The following LRP10 variants were observed in gnomAD, a reference collection of about 807,000 sequenced individuals.
LRP10 encodes LDL receptor related protein 10.
Under a neutral mutation model 58.5 loss-of-function variants are expected in LRP10, and 42 were observed. The ratio of observed to expected loss-of-function variants is 0.72; its 90% CI spans 0.56 to 0.93. The LOEUF (loss-of-function observed/expected upper bound fraction) is 0.93, where lower values mean the gene tolerates loss of function less well. Among genes scored for constraint, LRP10 ranks in the 40% least tolerant of loss-of-function variants. The probability of loss-of-function intolerance (pLI) is 0.00; values close to 1 mark genes in which losing one functional copy is unlikely to be tolerated. For missense variants in LRP10, 872 were observed against 940.1 expected, an observed-to-expected ratio of 0.93 and a Z score of 0.95; for synonymous variants, 377 against 388.5, an observed-to-expected ratio of 0.97 and a Z score of 0.35.
chr14:22,876,331 C>T lies in LRP10; in HGVS notation c.1383C>T (p.Gly461=), dbSNP rs748809158. 1 of 1,614,062 alleles carries T rather than the reference C, an allele frequency of 6.2e-7. No homozygotes were observed. The highest frequency in any genetic ancestry group is 1.7e-5 in the Admixed American group (1 of 60,028). ...VCGLLLVIAL[G]CTCKLYAIRT... Reference sequence around the variant, plus strand: ...GCCTGCTCCTGGTCATCGCCCTGGGCTGCACCTGCAAGCTCTATGCCATTC... The same window carrying T: ...GCCTGCTCCTGGTCATCGCCCTGGGTTGCACCTGCAAGCTCTATGCCATTC... The change falls in exon 5 of 7, where the codon GGC becomes GGT. Residue 461 remains glycine, a synonymous_variant. Coordinates refer to ENST00000359591, the MANE Select transcript of LRP10 (RefSeq NM_014045.5).
rs760967418 is a variant in LRP10 at position 22,876,962 on chromosome 14, G to A, written c.1577G>A (p.Arg526His). The A allele has an allele frequency of 1.2e-5, 19 of 1,591,984 alleles. No homozygotes were observed. Among genetic ancestry groups the A allele is most frequent in the African/African-American group, 4.0e-5 (3 of 74,414 alleles). The change falls in exon 7 of 7, where the codon CGT becomes CAT. Residue 526 changes from arginine (R) to histidine (H), a missense_variant. Physicochemically the swap from Arg to His is conservative, Grantham distance 29. Coordinates refer to ENST00000359591, the MANE Select transcript of LRP10 (RefSeq NM_014045.5). ...PNDNSVLGNL[R>H]SLLQILRQDM... is the part of the protein sequence containing the mutation. The stretch of plus-strand genomic sequence containing the variant: ...CAGAACTCAGTGCTGGGCAACCTGC[G>A]TTCTCTGCTACAGATCTTACGCCAG...
At chr14:22,872,521 T>C (rs1362441051) in intron 1 of LRP10, among the ~76,000 whole-genome samples, 184 bp downstream of exon 1, 1 of 147,754 alleles carries the variant, frequency 6.8e-6, no homozygotes, top group African/African-American at 2.5e-5. Context: ...CCTGGTCCTC[T>C]CTCCGGCTTC....
At position 22,875,921 on chromosome 14, in the gene LRP10, G is replaced by A. The variant is rs758627607; in HGVS notation, c.973G>A (p.Glu325Lys). The A allele has an allele frequency of 1.2e-5, 19 of 1,613,426 alleles. No homozygotes were observed. The highest frequency in any genetic ancestry group is 3.3e-5 in the Admixed American group (2 of 60,008). Residue 325 changes from glutamate to lysine, a missense_variant, in exon 5 of 7, where the codon GAA (glutamate) becomes AAA (lysine). Glu to Lys is a moderately conservative substitution (Grantham distance 56). Transcript: ENST00000359591. ...CGLGSGLGAG[E>K]GLGERCYSEA... ...CTTAGGCTCTGGCCTGGGAGCTGGC[G>A]AAGGCCTAGGTGAGCGCTGCTACAG...
rs1467206290 is a variant in LRP10 at position 22,879,782 on chromosome 14, GC to G, written c.*2259del. The G allele has an allele frequency of 5.9e-5, 9 of 152,534 alleles. No homozygotes were observed. Among genetic ancestry groups the G allele is most frequent in the African/African-American group, 1.9e-4 (8 of 41,424 alleles). The allele number at this position is 152,534 out of a possible 1,614,324, so 9.4% of individuals were successfully genotyped here. ...TAATACTCTTGTCAGCCACAGTGAA[GC>G]CCCAAGCTAGCCGGGATAGGGGACT... is the stretch of plus-strand genomic sequence containing the variant. On this transcript the variant is annotated 3_prime_UTR_variant, in exon 7 of 7. Coordinates refer to ENST00000359591, the MANE Select transcript of LRP10 (RefSeq NM_014045.5).
chr14:22,872,835 C>A lies in LRP10; in HGVS notation c.79+53C>A. ...GTGGGCTTGGGAATGAGGGAGCAGT[C>A]GAGAAGGACTCTCTGTTCCCTGAAT... On this transcript the variant is annotated intron_variant, in intron 2 of 6. Coordinates refer to ENST00000359591, the MANE Select transcript of LRP10 (RefSeq NM_014045.5). 5 of 1,557,818 alleles carry A rather than the reference C, an allele frequency of 3.2e-6. No homozygotes were observed. In the Admixed American group the frequency reaches 6.7e-5, roughly 21 times the overall value.
rs200366546 is a variant in LRP10 at position 22,875,591 on chromosome 14, T to C, written c.643T>C (p.Ser215Pro). ...TGGATATACACACCTAGCCTCAGTC[T>C]CCCACCCCCAGTCCTGCCATTGGCT... ...SPGYTHLASV[S>P]HPQSCHWLLD... The change falls in exon 5 of 7, where the codon TCC becomes CCC. Residue 215 changes from serine (S) to proline (P), a missense_variant. Coordinates refer to ENST00000359591, the MANE Select transcript of LRP10 (RefSeq NM_014045.5). 3.0e-4 allele frequency: 492 copies of C among 1,614,074 alleles called. 4 individuals carry two copies. The East Asian group carries it at 9.6e-3, about 32-fold the overall frequency.
chr14:22,875,266 T>C (rs1348609965), intron 4 of LRP10, 21 bp downstream of exon 4: 10 of 1,583,050 alleles, frequency 6.3e-6, no homozygotes, highest in Non-Finnish European at 8.6e-6. Context: ...CAGGGATGTC[T>C]GAGGAGCAGG....
chr14:22,876,697 C>CCCCCCT lies in LRP10; in HGVS notation c.1435_1440dup (p.Pro479_Leu480dup). ...GTCCTCATTCCTTCTAGCATCTTTG[C>CCCCCCT]CCCCCTCTCCCGGATGGAGGCTGAG... is the stretch of plus-strand genomic sequence containing the variant. On this transcript the variant is annotated inframe_insertion, in exon 6 of 7. Coordinates refer to ENST00000359591, the MANE Select transcript of LRP10 (RefSeq NM_014045.5). 1 of 1,613,362 alleles carries CCCCCCT rather than the reference C, an allele frequency of 6.2e-7. No individual in the cohort carries two copies. The highest frequency in any genetic ancestry group is 8.5e-7 in the Non-Finnish European group (1 of 1,179,634).
At position 22,876,133 on chromosome 14, in the gene LRP10, C is replaced by A. The variant is rs1213511079; in HGVS notation, c.1185C>A (p.Arg395=). ...GTGCTGATGGAGCAGATGAGAGACGCTGTCGGCATTGCCAGCCTGGCAATT... is the reference window on the plus strand; with the variant it reads ...GTGCTGATGGAGCAGATGAGAGACGATGTCGGCATTGCCAGCCTGGCAATT... ...TFCADGADER[R]CRHCQPGNFR... Residue 395 remains arginine, a synonymous_variant, in exon 5 of 7, where the codon CGC becomes CGA. Coordinates refer to ENST00000359591, the MANE Select transcript of LRP10 (RefSeq NM_014045.5). 6.2e-7 allele frequency: 1 copy of A among 1,614,224 alleles called. No individual in the cohort carries two copies. The highest frequency in any genetic ancestry group is 1.1e-5 in the South Asian group (1 of 91,092).
In LRP10 at chr14:22,880,038, T is replaced by C. The variant is rs2138792347; in HGVS notation, c.*2511T>C. 1 of 152,258 alleles carries C rather than the reference T, an allele frequency of 6.6e-6. No homozygotes were observed. The highest frequency in any genetic ancestry group is 2.1e-4 in the South Asian group (1 of 4,812). The allele number at this position is 152,258 out of a possible 1,614,324, so 9.4% of individuals were successfully genotyped here. ...GGTGGGAGGTGTTTTCAGCATGAGATAGGGTTCAGGCTGTGAATCAGAGTC... is the reference window on the plus strand; with the variant it reads ...GGTGGGAGGTGTTTTCAGCATGAGACAGGGTTCAGGCTGTGAATCAGAGTC... On this transcript the variant is annotated 3_prime_UTR_variant, in exon 7 of 7. Transcript: ENST00000359591.
chr14:22,877,576 T>C lies in LRP10; in HGVS notation c.*49T>C. ...GCCTCTCCCCTGGGGGCTCTACTCA[T>C]AGTGGCACAACCTTTTAGAGGTGGG... On this transcript the variant is annotated 3_prime_UTR_variant, in exon 7 of 7. Transcript: ENST00000359591. The surrounding 1 kb of genome is among the most constrained non-coding windows in gnomAD (Gnocchi z 5.1). 2 of 1,390,930 alleles carry C rather than the reference T, an allele frequency of 1.4e-6. No individual in the cohort carries two copies. The highest frequency in any genetic ancestry group is 2.5e-5 in the East Asian group (1 of 39,846). 86.2% of individuals were successfully genotyped at this position (1,390,930 alleles called of 1,614,324 possible). A position where few individuals can be genotyped will look rare whatever the true frequency, so the allele number is the denominator to read the frequency against.
At position 22,876,172 on chromosome 14, in the gene LRP10, C is replaced by T. The variant is rs369136828; in HGVS notation, c.1224C>T (p.Asp408=). The T allele has an allele frequency of 7.4e-6, 12 of 1,614,212 alleles. No individual in the cohort carries two copies. The highest frequency in any genetic ancestry group is 4.0e-5 in the African/African-American group (3 of 75,056). ...AGCCTGGCAATTTCCGATGCCGGGA[C>T]GAGAAGTGCGTGTATGAGACGTGGG... is the stretch of plus-strand genomic sequence containing the variant. ...HCQPGNFRCR[D]EKCVYETWVC... Residue 408 remains aspartate (D), a synonymous_variant, in exon 5 of 7, where the codon GAC becomes GAT. Transcript: ENST00000359591.
intron 1 of LRP10, 79 bp from the exon 2 acceptor site, chr14:22,872,659 C>T: frequency 1.4e-6 from 2 of 1,426,210 alleles, no homozygotes; most frequent in Non-Finnish European, 2.0e-6. Context: ...TCCCGGATGG[C>T]TCCCTTGAGT....
chr14:22,872,476 C>A, intron 1 of LRP10, 139 bp downstream of exon 1: 1 of 1,030,998 alleles, frequency 9.7e-7, no homozygotes, highest in Non-Finnish European at 1.5e-6. Flanking sequence ...CTGCCGGCCC[C>A]AACCCCCAGG....
intron 1 of LRP10, among the ~76,000 whole-genome samples, 195 bp downstream of exon 1, chr14:22,872,532 C>T (rs1440236210): frequency 6.6e-6 from 1 of 151,882 alleles, no homozygotes; most frequent in African/African-American, 2.4e-5. Flanking sequence ...CTCCGGCTTC[C>T]CCTAGATCAC....
intron 5 of LRP10, 78 bp downstream of exon 5, chr14:22,876,450 A>C (rs2040007528): frequency 2.0e-6 from 3 of 1,536,662 alleles, no homozygotes; most frequent in Non-Finnish European, 2.7e-6. Context: ...GGAGACCACG[A>C]AAGTGCCCAC....
chr14:22,875,835 G>T lies in LRP10; in HGVS notation c.887G>T (p.Arg296Leu). 1 of 1,614,036 alleles carries T rather than the reference G, an allele frequency of 6.2e-7. No homozygotes were observed. The highest frequency in any genetic ancestry group is 8.5e-7 in the Non-Finnish European group (1 of 1,179,982). The change falls in exon 5 of 7, where the codon CGT (arginine) becomes CTT (leucine). Residue 296 changes from arginine to leucine, a missense_variant. Arg to Leu is a moderately radical substitution (Grantham distance 102, BLOSUM62 -2). Coordinates refer to ENST00000359591, the MANE Select transcript of LRP10 (RefSeq NM_014045.5). Reference sequence around the variant, plus strand: ...CACACAGTTGCTTGGAGCAATGGTCGTGGCTTCAATGCCACCTACCATGTG... The same window carrying T: ...CACACAGTTGCTTGGAGCAATGGTCTTGGCTTCAATGCCACCTACCATGTG... ...SYHTVAWSNG[R>L]GFNATYHVRG... is the part of the protein sequence containing the mutation.
Position 22,877,158 on chromosome 14 carries a change from C to T in LRP10, c.1773C>T (p.Ala591=), listed in dbSNP as rs1566494382. The change falls in exon 7 of 7, where the codon GCC becomes GCT. Residue 591 remains alanine, a synonymous_variant. Transcript: ENST00000359591. This position sits in a 1 kb window ranked among gnomAD's most constrained non-coding sequence, Gnocchi z 5.1. ...CACCTTCTGCTGCTCCCCTTGAGGC[C>T]CTAGATGGTGGCACAGGTCCAGCCC... ...QVTPSAAPLE[A]LDGGTGPARE... is the part of the protein sequence containing the mutation. 2 of 1,605,898 alleles carry T rather than the reference C, an allele frequency of 1.2e-6. No individual in the cohort carries two copies. The highest frequency in any genetic ancestry group is 1.7e-6 in the Non-Finnish European group (2 of 1,175,856).
intron 3 of LRP10, among the ~76,000 whole-genome samples, 171 bp downstream of exon 3, chr14:22,873,617 C>G (rs564952555): frequency 6.6e-6 from 1 of 152,096 alleles, no homozygotes; most frequent in African/African-American, 2.4e-5. Context: ...CACCACCTCC[C>G]GGGTTCAAGT....
Sources: allele counts gnomAD v4.1 joint callset (sites outside exome capture counted in the v4.1 genomes callset), GRCh38; gene constraint gnomAD v4.1.1; non-coding constraint Gnocchi (gnomAD v3.1); transcripts MANE v1.5; gene names NCBI Gene and HGNC (gene_info 2026-07-23, HGNC 2026-07-21).